Variants in SYCE2 observed in about 807,000 individuals in gnomAD.
The protein encoded by SYCE2 is central element synaptonemal complex 1.
Under a neutral mutation model 27.9 loss-of-function variants are expected in SYCE2, and 3 were observed. That is an observed-to-expected ratio of 0.11 (90% CI 0.05 to 0.28). SYCE2 has a LOEUF of 0.28. SYCE2 is among the 10% of genes least tolerant of loss of function. SYCE2 has a pLI of 1.00. For synonymous variants in SYCE2, 85 were observed against 100.7 expected (o/e 0.84, Z 0.93); for missense variants, 207 against 263.5 (o/e 0.79, Z 1.48).
intron 2 of SYCE2, 104 bp from the exon 3 acceptor site, chr19:12,904,770 G>A (rs995438847): frequency 2.0e-5 from 27 of 1,324,540 alleles, no homozygotes; most frequent in Non-Finnish European, 2.8e-5. Flanking sequence ...GTAGGCCGAG[G>A]TGGGCGGATC....
At chr19:12,908,276 CTTTT>C (rs34286819) in intron 2 of SYCE2, among the ~76,000 whole-genome samples, 3 of 85,522 alleles carry the variant, frequency 3.5e-5, no homozygotes, top group African/African-American at 4.9e-5. Flanking sequence ...ATTTTCTGGG[CTTTT>C]TTTTTTTTTT....
chr19:12,910,211 A>G (rs1444085767), intron 2 of SYCE2, among the ~76,000 whole-genome samples: 1 of 151,642 alleles, frequency 6.6e-6, no homozygotes, highest in Non-Finnish European at 1.5e-5. Flanking sequence ...CAGCTCTATA[A>G]CTTTCACTTC....
At chr19:12,914,815 G>A (rs1294155377) in intron 2 of SYCE2, among the ~76,000 whole-genome samples, 1 of 152,104 alleles carries the variant, frequency 6.6e-6, no homozygotes, top group African/African-American at 2.4e-5. Flanking sequence ...TGCCATGTTG[G>A]CCAGGCTGGT....
intron 5 of SYCE2, chr19:12,899,719 A>G: frequency 1.2e-6 from 2 of 1,612,204 alleles, no homozygotes; most frequent in Non-Finnish European, 1.7e-6. Context: ...TGTGTTCCTT[A>G]AAAAGAAGAT....
At chr19:12,909,616 G>C (rs1466347733) in intron 2 of SYCE2, among the ~76,000 whole-genome samples, 1 of 151,836 alleles carries the variant, frequency 6.6e-6, no homozygotes, top group African/African-American at 2.4e-5. Context: ...GCCCAGGCTG[G>C]AGTGCAATGG....
intron 3 of SYCE2, among the ~76,000 whole-genome samples, chr19:12,903,382 C>T (rs1172682158): frequency 2.7e-5 from 4 of 149,968 alleles, no homozygotes; most frequent in South Asian, 2.1e-4. Flanking sequence ...TGAGCCACCA[C>T]GCCCGGCCCT....
rs1044554375 is a variant in SYCE2 at position 12,909,225 on chromosome 19, C to T, written c.132-4559G>A. Among the ~76,000 whole-genome samples, 5 of 152,158 alleles carry T rather than the reference C, an allele frequency of 3.3e-5. No homozygotes were observed. In the East Asian group the frequency reaches 5.8e-4, roughly 18 times the overall value. On this transcript the variant is annotated intron_variant, in intron 2 of 5. Transcript: ENST00000293695. ...GTGCTGCTAATAAGTAAATGACTTG[C>T]GAGTACTATCCATTACCATCCACAC...
intron 2 of SYCE2, among the ~76,000 whole-genome samples, chr19:12,910,876 A>G (rs1467838867): frequency 6.7e-6 from 1 of 150,090 alleles, no homozygotes; most frequent in Non-Finnish European, 1.5e-5. Context: ...GCGGGGTTTC[A>G]CCATGTTAGC....
chr19:12,900,270 G>C, intron 4 of SYCE2, 150 bp from the exon 5 acceptor site: 1 of 1,127,750 alleles, frequency 8.9e-7, no homozygotes, highest in Non-Finnish European at 1.2e-6. Flanking sequence ...ACAACGGTTT[G>C]GCTTCTCAGC....
chr19:12,908,355 C>G (rs1160398998), intron 2 of SYCE2, among the ~76,000 whole-genome samples: 1 of 148,182 alleles, frequency 6.7e-6, no homozygotes, highest in Non-Finnish European at 1.5e-5. Context: ...GACAGAGTCT[C>G]GCTCTGTCAC....
intron 2 of SYCE2, among the ~76,000 whole-genome samples, chr19:12,909,389 G>A (rs921984771): frequency 2.0e-5 from 3 of 151,954 alleles, no homozygotes; most frequent in Non-Finnish European, 4.4e-5. Context: ...AACCAAAAGC[G>A]TCATCTCCCA....
chr19:12,910,650 G>A (rs944928172), intron 2 of SYCE2, among the ~76,000 whole-genome samples: 1 of 151,814 alleles, frequency 6.6e-6, no homozygotes, highest in African/African-American at 2.4e-5. Context: ...TGGGATTATA[G>A]GCATGAGCCA....
At position 12,914,171 on chromosome 19, in the gene SYCE2, T is replaced by C. The variant is rs1049044181; in HGVS notation, c.131+4051A>G. On this transcript the variant is annotated intron_variant, in intron 2 of 5. Transcript: ENST00000293695. ...CAAGGACAACACAGAACTCATGTTC[T>C]TGTCTCTGCCAGAGAAGCCACCACC... The C allele has an allele frequency of 3.3e-5, 5 of 152,364 alleles. No homozygotes were observed. The East Asian group carries it at 9.6e-4, about 29-fold the overall frequency. 9.4% of individuals were successfully genotyped at this position (152,364 alleles called of 1,614,324 possible).
chr19:12,913,730 C>T (rs866882347), intron 2 of SYCE2, among the ~76,000 whole-genome samples: 3 of 152,290 alleles, frequency 2.0e-5, no homozygotes, highest in Middle Eastern at 6.8e-3. Flanking sequence ...CTTGAAGTCT[C>T]TAAATGATTT....
rs751346883 is a variant in SYCE2, at chr19:12,904,538, T to A, written c.260A>T (p.Lys87Met). ...LIENINKSRQKDHALMTNFRN... is the reference protein window; with the variant it reads ...LIENINKSRQMDHALMTNFRN... ...GAAGTTGGTCATGAGTGCATGGTCC[T>A]TTTGCCGGCTCTTGTTGATGTTTTC... The change falls in exon 3 of 6, where the codon AAG (lysine) becomes ATG (methionine). Residue 87 changes from lysine (K) to methionine (M), a missense_variant. By Grantham distance (95) the Lys-to-Met change is moderately conservative (BLOSUM62 -1). Transcript: ENST00000293695. The A allele has an allele frequency of 9.9e-6, 16 of 1,614,098 alleles. No individual in the cohort carries two copies. The highest frequency in any genetic ancestry group is 1.3e-5 in the Non-Finnish European group (15 of 1,180,006).
intron 2 of SYCE2, among the ~76,000 whole-genome samples, chr19:12,917,279 C>T (rs1334301934): frequency 6.6e-6 from 1 of 151,990 alleles, no homozygotes; most frequent in African/African-American, 2.4e-5. Flanking sequence ...TAGTCTCAAA[C>T]TCCTGACCTC....
At chr19:12,909,646 A>C (rs1435338675) in intron 2 of SYCE2, among the ~76,000 whole-genome samples, 1 of 151,984 alleles carries the variant, frequency 6.6e-6, no homozygotes, top group Non-Finnish European at 1.5e-5. Flanking sequence ...GGCTCACTGC[A>C]ACCTCCGCCT....
intron 2 of SYCE2, among the ~76,000 whole-genome samples, chr19:12,905,054 G>A (rs376334070): frequency 2.0e-5 from 3 of 151,944 alleles, no homozygotes; most frequent in South Asian, 4.2e-4. Context: ...TCTTCCAAGA[G>A]CGGCTGATCT....
intron 3 of SYCE2, among the ~76,000 whole-genome samples, chr19:12,902,718 G>A (rs923714398): frequency 3.9e-5 from 6 of 152,090 alleles, no homozygotes; most frequent in Non-Finnish European, 8.8e-5. Context: ...GAGAGGCTGA[G>A]GTGAGAAGAT....
Sources: allele counts gnomAD v4.1 joint callset (sites outside exome capture counted in the v4.1 genomes callset), GRCh38; gene constraint gnomAD v4.1.1; transcripts MANE v1.5; gene names NCBI Gene and HGNC (gene_info 2026-07-23, HGNC 2026-07-21).